Variants in PTCD1 observed in about 807,000 individuals in gnomAD.
PTCD1 encodes pentatricopeptide repeat-containing protein 1, mitochondrial.
PTCD1 carries 50 observed loss-of-function variants against 53.4 expected under a neutral mutation model. The observed-to-expected ratio is 0.94, with a 90% CI of 0.75 to 1.19. PTCD1 has a LOEUF of 1.19. PTCD1 is among the 50% of genes most tolerant of loss of function. PTCD1 has a pLI of 0.00. For synonymous variants in PTCD1, 413 were observed against 394.8 expected (o/e 1.05, Z -0.55); for missense variants, 918 against 904.8 (o/e 1.01, Z -0.19).
chr7:99,427,678 G>T (rs1297891098), intron 5 of PTCD1, among the ~76,000 whole-genome samples: 3 of 152,154 alleles, frequency 2.0e-5, no homozygotes, highest in Admixed American at 6.5e-5. Flanking sequence ...GAAAGGTGGG[G>T]AAAAGATTGA....
At chr7:99,421,691 GTTGCAGTGAGGCCAGATCGCA>G (rs1322586525) in intron 7 of PTCD1, among the ~76,000 whole-genome samples, 1 of 151,946 alleles carries the variant, frequency 6.6e-6, no homozygotes. Flanking sequence ...GGCGGCAGAG[GTTGCAGTGAGGCCAGATCGCA>G]TCACTGCACT....
chr7:99,423,001 T>C (rs1351650509), intron 7 of PTCD1, among the ~76,000 whole-genome samples: 3 of 148,838 alleles, frequency 2.0e-5, no homozygotes, highest in African/African-American at 2.5e-5. Context: ...AGAGCTCTTC[T>C]CTTTTTTTTT....
rs1387114626 is a variant in PTCD1, at chr7:99,433,396, A to G, written c.476T>C (p.Phe159Ser). ...EGKLVEALDL[F>S]ERQMLKEERL... ...CTCCTCCTTCAGCATCTGCCTCTCA[A>G]ACAGGTCCAGGGCTTCAACCAGCTG... Residue 159 changes from phenylalanine (F) to serine (S), a missense_variant, in exon 3 of 8, where the codon TTT (phenylalanine) becomes TCT (serine). Physicochemically the swap from Phe to Ser is radical, Grantham distance 155 (BLOSUM62 -2). Transcript: ENST00000292478. 1.9e-6 allele frequency: 3 copies of G among 1,614,022 alleles called. No individual in the cohort carries two copies. The highest frequency in any genetic ancestry group is 2.5e-6 in the Non-Finnish European group (3 of 1,180,038).
chr7:99,426,319 A>G (rs1266330459), intron 5 of PTCD1, among the ~76,000 whole-genome samples: 1 of 152,140 alleles, frequency 6.6e-6, no homozygotes, highest in African/African-American at 2.4e-5. Context: ...CCTGCCGAGT[A>G]CCTGCGATTG....
Position 99,418,043 on chromosome 7 carries a change from C to G in PTCD1, c.*1924G>C, listed in dbSNP as rs1158999231. 9.3e-7 allele frequency: 1 copy of G among 1,072,390 alleles called. No individual in the cohort carries two copies. Among genetic ancestry groups the G allele is most frequent in the Non-Finnish European group, 1.2e-6 (1 of 868,174 alleles). The allele number at this position is 1,072,390 out of a possible 1,614,324, so 66.4% of individuals were successfully genotyped here. The stretch of plus-strand genomic sequence containing the variant: ...AGTGCAGTGATGCCATCTTGGCTCA[C>G]TGCAACCTCCACCTCCCGGGTTCAA... On this transcript the variant is annotated 3_prime_UTR_variant, in exon 8 of 8. Coordinates refer to ENST00000292478, the MANE Select transcript of PTCD1 (RefSeq NM_015545.4).
At chr7:99,438,294 A>C (rs1253450790) in intron 1 of PTCD1, among the ~76,000 whole-genome samples, 1 of 151,670 alleles carries the variant, frequency 6.6e-6, no homozygotes, top group Non-Finnish European at 1.5e-5. Context: ...TCTCTACAAA[A>C]ATTAAAAATA....
chr7:99,425,711 A>G (rs948128368), intron 5 of PTCD1, 95 bp from the exon 6 acceptor site: 8 of 1,465,812 alleles, frequency 5.5e-6, no homozygotes, highest in Non-Finnish European at 7.4e-6. Flanking sequence ...GGAGTTTTAG[A>G]TGGGAGGATC....
chr7:99,429,875 G>C, intron 3 of PTCD1, 69 bp from the exon 4 acceptor site: 1 of 1,586,366 alleles, frequency 6.3e-7, no homozygotes, highest in Non-Finnish European at 8.6e-7. Context: ...AGCTGCCCCA[G>C]AGGAGGCTGA....
chr7:99,424,070 G>C (rs1795929481), intron 6 of PTCD1, 113 bp from the exon 7 acceptor site: 1 of 1,423,968 alleles, frequency 7.0e-7, no homozygotes, highest in African/African-American at 1.4e-5. Flanking sequence ...GGCCAGCAAG[G>C]CAAACTTGGC....
intron 5 of PTCD1, among the ~76,000 whole-genome samples, chr7:99,426,900 C>T (rs1467628608): frequency 3.3e-5 from 5 of 151,174 alleles, no homozygotes; most frequent in East Asian, 4.0e-4. Flanking sequence ...CGTCTCTGCC[C>T]GGCCGCCCCG....
rs928899785 is a variant in PTCD1 at position 99,420,157 on chromosome 7, T to A, written c.1921-8A>T. On this transcript the variant is annotated splice_region_variant and splice_polypyrimidine_tract_variant and intron_variant, in intron 7 of 7. Transcript: ENST00000292478. ...GGTGTTCTTCCCTTGGTACTAGAATTAGAAAAGTGAGGCTAGAATCACTCC... is the reference window on the plus strand; with the variant it reads ...GGTGTTCTTCCCTTGGTACTAGAATAAGAAAAGTGAGGCTAGAATCACTCC... 4 of 1,613,960 alleles carry A rather than the reference T, an allele frequency of 2.5e-6. No individual in the cohort carries two copies. The African/African-American group carries it at 5.3e-5, about 22-fold the overall frequency.
intron 7 of PTCD1, among the ~76,000 whole-genome samples, chr7:99,421,218 T>C (rs969037992): frequency 6.6e-6 from 1 of 151,918 alleles, no homozygotes; most frequent in Non-Finnish European, 1.5e-5. Flanking sequence ...GGCAGGCGGA[T>C]TACATGAGCT....
Position 99,417,595 on chromosome 7 carries a change from G to GATT in PTCD1, c.*2371_*2372insAAT. 1 of 1,611,216 alleles carries GATT rather than the reference G, an allele frequency of 6.2e-7. No individual in the cohort carries two copies. On this transcript the variant is annotated 3_prime_UTR_variant, in exon 8 of 8. Coordinates refer to ENST00000292478, the MANE Select transcript of PTCD1 (RefSeq NM_015545.4). ...GCGTGCCCAAAAGCAAGCTGGAAGTGGTAATGTCTGACACTCAAGCTTGGT... is the reference window on the plus strand; with the variant it reads ...GCGTGCCCAAAAGCAAGCTGGAAGTGATTGTAATGTCTGACACTCAAGCTTGGT...
intron 3 of PTCD1, among the ~76,000 whole-genome samples, chr7:99,431,825 A>G (rs1469798245): frequency 6.6e-6 from 1 of 152,226 alleles, no homozygotes; most frequent in Non-Finnish European, 1.5e-5. Flanking sequence ...AAGAAACTCC[A>G]TTTTGTTCTG....
Position 99,435,212 on chromosome 7 carries a change from CG to C in PTCD1, c.30del (p.Phe10LeufsTer29). On this transcript the variant is annotated frameshift_variant, in exon 2 of 8. Coordinates refer to ENST00000292478, the MANE Select transcript of PTCD1 (RefSeq NM_015545.4). LOFTEE classifies it high-confidence loss of function. MDFVRLARL[F>X]ARARPMGLFI... ...AACAGTCCCATGGGGCGGGCCCTGG[CG>C]AACAGTCGAGCGAGTCTCACGAAGT... 6.2e-7 allele frequency: 1 copy of C among 1,603,690 alleles called. No homozygotes were observed.
At chr7:99,435,672 C>A (rs1181031156) in intron 1 of PTCD1, among the ~76,000 whole-genome samples, 1 of 147,990 alleles carries the variant, frequency 6.8e-6, no homozygotes, top group Non-Finnish European at 1.5e-5. Flanking sequence ...AGAAAAAGAA[C>A]AGGCCAGGGG....
chr7:99,426,544 C>A (rs1214752093), intron 5 of PTCD1, among the ~76,000 whole-genome samples: 1 of 152,216 alleles, frequency 6.6e-6, no homozygotes, highest in Non-Finnish European at 1.5e-5. Context: ...TCGCTACAAC[C>A]TCCACCTCCC....
intron 5 of PTCD1, among the ~76,000 whole-genome samples, chr7:99,426,824 C>T (rs1163469430): frequency 8.0e-5 from 12 of 150,828 alleles, no homozygotes; most frequent in South Asian, 2.1e-4. Flanking sequence ...GCCTCTGCCC[C>T]GCCGCCCCGT....
rs1270368781 is a variant in PTCD1, at chr7:99,418,184, C to T, written c.*1783G>A. The T allele has an allele frequency of 5.2e-6, 1 of 191,428 alleles. No homozygotes were observed. The highest frequency in any genetic ancestry group is 5.5e-5 in the Admixed American group (1 of 18,048). 11.9% of individuals were successfully genotyped at this position (191,428 alleles called of 1,614,324 possible). ...GTTTCTCAATGTTGCTCAGGCTGGT[C>T]TCGAACTCCCGACCTCAGGTGATCC... On this transcript the variant is annotated 3_prime_UTR_variant, in exon 8 of 8. Coordinates refer to ENST00000292478, the MANE Select transcript of PTCD1 (RefSeq NM_015545.4).
Sources: gnomAD v4.1 joint callset for allele counts (sites outside exome capture counted in the v4.1 genomes callset) on GRCh38, gnomAD v4.1.1 for gene constraint, MANE v1.5 for transcripts, NCBI Gene and HGNC (gene_info 2026-07-23, HGNC 2026-07-21) for gene names.